Variants in ASAP2 observed in about 807,000 individuals in gnomAD.
ASAP2 encodes the protein arf-GAP with SH3 domain, ANK repeat and PH domain-containing protein 2.
In ASAP2, 45 loss-of-function variants were observed where a neutral mutation model predicts 131.4. That is an observed-to-expected ratio of 0.34 (90% CI 0.27 to 0.44). The LOEUF is 0.44. ASAP2 is among the 20% of genes least tolerant of loss of function. The pLI, the probability that ASAP2 is intolerant of heterozygous loss-of-function variation, is 1.00. For synonymous variants in ASAP2, 510 were observed against 503.0 expected (o/e 1.01, Z -0.19); for missense variants, 1,011 against 1,297.0 (o/e 0.78, Z 3.39).
At chr2:9,388,691 C>A in intron 22 of ASAP2, 145 bp downstream of exon 22, 2 of 1,249,822 alleles carry the variant, frequency 1.6e-6, no homozygotes, top group Non-Finnish European at 2.1e-6. Context: ...TAAAGGGATT[C>A]CATCATTCTT....
chr2:9,376,621 G>T (rs1032559697), intron 17 of ASAP2, among the ~76,000 whole-genome samples: 1 of 152,224 alleles, frequency 6.6e-6, no homozygotes, highest in Non-Finnish European at 1.5e-5. Context: ...GCCTTGTGGT[G>T]CTGATGCAGG....
At position 9,389,155 on chromosome 2, in the gene ASAP2, A is replaced by G. The variant is rs941667974; in HGVS notation, c.2383+609A>G. Reference sequence around the variant, plus strand: ...TTCTGTTTTTAGAAATACGCAAACCAAAGCTCTCAGAAGTTAAGTAATTTG... The same window carrying G: ...TTCTGTTTTTAGAAATACGCAAACCGAAGCTCTCAGAAGTTAAGTAATTTG... On this transcript the variant is annotated intron_variant, in intron 22 of 27. Transcript: ENST00000281419. The surrounding 1 kb of genome is among the most constrained non-coding windows in gnomAD (Gnocchi z 4.7). Among the ~76,000 whole-genome samples the G allele has an allele frequency of 7.2e-5, 11 of 152,260 alleles. No individual in the cohort carries two copies. Among genetic ancestry groups the G allele is most frequent in the Non-Finnish European group, 1.3e-4 (9 of 68,056 alleles).
intron 1 of ASAP2, among the ~76,000 whole-genome samples, chr2:9,276,738 C>T (rs1666784883): frequency 1.3e-5 from 2 of 152,146 alleles, no homozygotes; most frequent in Non-Finnish European, 2.9e-5. Context: ...CAGGGTTTCA[C>T]CATGTTGGCT....
intron 1 of ASAP2, among the ~76,000 whole-genome samples, chr2:9,237,485 C>T (rs1182994793): frequency 1.3e-5 from 2 of 149,468 alleles, no homozygotes; most frequent in East Asian, 2.0e-4. Flanking sequence ...GATCTCAGCT[C>T]GCTGCAGCCT....
intron 1 of ASAP2, among the ~76,000 whole-genome samples, chr2:9,257,937 A>G (rs770325750): frequency 6.6e-6 from 1 of 152,186 alleles, no homozygotes; most frequent in South Asian, 2.1e-4. Context: ...TGTTGTTGCA[A>G]TAATATTGCC....
chr2:9,394,872 C>T (rs1248094736), intron 24 of ASAP2, among the ~76,000 whole-genome samples: 2 of 152,192 alleles, frequency 1.3e-5, no homozygotes, highest in African/African-American at 4.8e-5. Context: ...GGTGGTTGGA[C>T]ACAGGAGGTG....
At chr2:9,351,116 G>A (rs937894891) in intron 12 of ASAP2, among the ~76,000 whole-genome samples, 8 of 152,234 alleles carry the variant, frequency 5.3e-5, no homozygotes, top group African/African-American at 1.9e-4. Context: ...CTCCTTGGGG[G>A]CACTGTAGTC....
chr2:9,387,174 AC>A (rs1344663351), intron 21 of ASAP2, among the ~76,000 whole-genome samples: 1 of 143,526 alleles, frequency 7.0e-6, no homozygotes, highest in Non-Finnish European at 1.5e-5. Flanking sequence ...GGATTGCGCC[AC>A]TGCATTCCAG....
At chr2:9,341,070 G>A (rs1327521372) in intron 9 of ASAP2, among the ~76,000 whole-genome samples, 1 of 152,194 alleles carries the variant, frequency 6.6e-6, no homozygotes, top group Non-Finnish European at 1.5e-5. Flanking sequence ...GTACATTGGA[G>A]TCTCCAGGAA....
chr2:9,231,145 T>G (rs1048630542), intron 1 of ASAP2, among the ~76,000 whole-genome samples: 12 of 152,146 alleles, frequency 7.9e-5, no homozygotes, highest in Non-Finnish European at 1.5e-5. Context: ...GCAGGATGGA[T>G]GGGGGAAAGG....
At chr2:9,398,808 CA>C (rs539475871) in intron 24 of ASAP2, 2,250 of 101,070 alleles carry the variant, frequency 0.022, 19 homozygotes, top group Admixed American at 0.035. Flanking sequence ...GACTCCATCT[CA>C]AAAAAAAAAA....
chr2:9,380,075 G>GC (rs1416029275), intron 19 of ASAP2, among the ~76,000 whole-genome samples: 1 of 152,154 alleles, frequency 6.6e-6, no homozygotes, highest in African/African-American at 2.4e-5. Flanking sequence ...ATATTGCAGT[G>GC]CATGGAAATA....
chr2:9,341,312 A>G (rs56659258), intron 9 of ASAP2, among the ~76,000 whole-genome samples: 4,599 of 152,318 alleles, frequency 0.03, 236 homozygotes, highest in African/African-American at 0.11. Flanking sequence ...AGTAATTCGC[A>G]CTAAAACAGT....
intron 3 of ASAP2, among the ~76,000 whole-genome samples, chr2:9,315,581 C>T (rs1215044587): frequency 6.6e-6 from 1 of 152,016 alleles, no homozygotes; most frequent in Non-Finnish European, 1.5e-5. Context: ...GGGCTGCCTG[C>T]AAGTAGAGGG....
intron 9 of ASAP2, among the ~76,000 whole-genome samples, chr2:9,341,347 T>A (rs1162032299): frequency 6.6e-6 from 1 of 152,224 alleles, no homozygotes. Context: ...AAACAGATTA[T>A]ATTCCTCTTT....
At chr2:9,223,977 G>C (rs903861785) in intron 1 of ASAP2, among the ~76,000 whole-genome samples, 6 of 152,230 alleles carry the variant, frequency 3.9e-5, no homozygotes, top group African/African-American at 1.4e-4. Flanking sequence ...ACTGAGGATA[G>C]TATCCATGAA....
At chr2:9,253,267 G>T (rs1205846626) in intron 1 of ASAP2, among the ~76,000 whole-genome samples, 1 of 151,968 alleles carries the variant, frequency 6.6e-6, no homozygotes. Context: ...GGGTTCAAGC[G>T]ATTCTCGTGC....
At chr2:9,228,442 G>T (rs114590162) in intron 1 of ASAP2, among the ~76,000 whole-genome samples, 173 of 152,098 alleles carry the variant, frequency 1.1e-3, no homozygotes, top group African/African-American at 3.9e-3. Context: ...CTGTTTTTTC[G>T]CATTCCTTTT....
intron 5 of ASAP2, among the ~76,000 whole-genome samples, chr2:9,321,418 C>T (rs1351520089): frequency 6.6e-6 from 1 of 152,196 alleles, no homozygotes; most frequent in African/African-American, 2.4e-5. Context: ...GAGAACCCTG[C>T]AGGTCCATTC....
Sources: allele counts gnomAD v4.1 joint callset (sites outside exome capture counted in the v4.1 genomes callset), GRCh38; gene constraint gnomAD v4.1.1; non-coding constraint Gnocchi (gnomAD v3.1); transcripts MANE v1.5; gene names NCBI Gene and HGNC (gene_info 2026-07-23, HGNC 2026-07-21).